The following OR10H1 variants were observed in gnomAD, a reference collection of about 807,000 sequenced individuals.
OR10H1 encodes the protein olfactory receptor 10H1.
Under a neutral mutation model 13.1 loss-of-function variants are expected in OR10H1, and 12 were observed. That is an observed-to-expected ratio of 0.92 (90% confidence interval 0.59 to 1.48). The LOEUF (loss-of-function observed/expected upper bound fraction) is 1.48. Ranked by LOEUF, OR10H1 falls within the 40% of genes most tolerant of loss-of-function variation. OR10H1 has a pLI of 0.00. For missense variants in OR10H1, 363 were observed against 413.1 expected, an observed-to-expected ratio of 0.88 and a Z score of 1.05; for synonymous variants, 168 against 175.6, an observed-to-expected ratio of 0.96 and a Z score of 0.34.
At position 15,805,114 on chromosome 19, in the gene OR10H1, G is replaced by A. The variant is rs934106210; in HGVS notation, c.*1967C>T. 1.3e-5 allele frequency: 2 copies of A among 151,816 alleles called. No homozygotes were observed. The highest frequency in any genetic ancestry group is 6.6e-5 in the Admixed American group (1 of 15,220). The allele number at this position is 151,816 out of a possible 1,614,324, so 9.4% of individuals were successfully genotyped here. ...TTTGTTTGAGTTCATTGTAGATTCTGGATATTAGCCCTTTGTCAGATGAGT... is the reference window on the plus strand; with the variant it reads ...TTTGTTTGAGTTCATTGTAGATTCTAGATATTAGCCCTTTGTCAGATGAGT... On this transcript the variant is annotated 3_prime_UTR_variant, in exon 4 of 4. Coordinates refer to ENST00000641419, the MANE Select transcript of OR10H1 (RefSeq NM_013940.4).
chr19:15,813,147 T>A (rs1187318122), intron 1 of OR10H1, among the ~76,000 whole-genome samples: 2 of 145,230 alleles, frequency 1.4e-5, no homozygotes. Flanking sequence ...AGATTAATGG[T>A]AAAAAAAAAA....
chr19:15,814,725 A>G (rs2088957318), intron 1 of OR10H1, among the ~76,000 whole-genome samples: 1 of 151,902 alleles, frequency 6.6e-6, no homozygotes, highest in Non-Finnish European at 1.5e-5. Context: ...GGCTGGCCTC[A>G]AACTCTTGGA....
chr19:15,804,925 G>C lies in OR10H1; in HGVS notation c.*2156C>G, dbSNP rs2088886887. 1 of 152,206 alleles carries C rather than the reference G, an allele frequency of 6.6e-6. No individual in the cohort carries two copies. The highest frequency in any genetic ancestry group is 6.6e-5 in the Admixed American group (1 of 15,260). The allele number at this position is 152,206 out of a possible 1,614,324, so 9.4% of individuals were successfully genotyped here. ...TAGTGATTGCCATTCTAACTGGTGT[G>C]AGATGATATCTCATTGTGGTTTCCA... On this transcript the variant is annotated 3_prime_UTR_variant, in exon 4 of 4. Transcript: ENST00000641419.
Position 15,812,742 on chromosome 19 carries a change from G to A in OR10H1, c.-641C>T, listed in dbSNP as rs10854151. ...GAAACGAGGGAGGGAGGAATGGAGG[G>A]AGGAAGGAAGGGAGGGAGGGAGAAA... On this transcript the variant is annotated 5_prime_UTR_variant, in exon 2 of 4. Coordinates refer to ENST00000641419, the MANE Select transcript of OR10H1 (RefSeq NM_013940.4). The A allele has an allele frequency of 0.084, 12,463 of 147,646 alleles. 1,497 individuals carry two copies. The highest frequency in any genetic ancestry group is 0.57 in the East Asian group (2,658 of 4,646). The allele number at this position is 147,646 out of a possible 1,614,324, so 9.1% of individuals were successfully genotyped here.
chr19:15,808,681 C>T (rs1336537704), intron 3 of OR10H1, 44 bp downstream of exon 3: 1 of 152,384 alleles, frequency 6.6e-6, no homozygotes, highest in African/African-American at 2.4e-5. Context: ...GAAACCCCAT[C>T]TCTACTAAAA....
Position 15,813,588 on chromosome 19 carries a change from C to A in OR10H1, c.-777-710G>T, listed in dbSNP as rs984715822. ...AAAGAGAGAGACAGAGAGGTGGAGACACAGAGAGATGTGGGGAAAGAGCAC... is the reference window on the plus strand; with the variant it reads ...AAAGAGAGAGACAGAGAGGTGGAGAAACAGAGAGATGTGGGGAAAGAGCAC... On this transcript the variant is annotated intron_variant, in intron 1 of 3. Coordinates refer to ENST00000641419, the MANE Select transcript of OR10H1 (RefSeq NM_013940.4). Among the ~76,000 whole-genome samples the A allele has an allele frequency of 5.6e-4, 63 of 113,228 alleles. 1 individual carries two copies. Among genetic ancestry groups the A allele is most frequent in the South Asian group, 2.9e-4 (1 of 3,440 alleles). The allele number at this position is 113,228 out of a possible 152,430, so 74.3% of individuals were successfully genotyped here.
At chr19:15,808,088 G>A in intron 3 of OR10H1, 40 bp from the exon 4 acceptor site, 1 of 1,525,414 alleles carries the variant, frequency 6.6e-7, no homozygotes, top group Non-Finnish European at 9.0e-7. Context: ...GTTACTGCAT[G>A]AAGAAAAGTT....
intron 1 of OR10H1, 81 bp from the exon 2 acceptor site, chr19:15,812,959 G>A (rs941466373): frequency 1.3e-5 from 2 of 152,178 alleles, no homozygotes; most frequent in Non-Finnish European, 2.9e-5. Flanking sequence ...GGATGAATGG[G>A]TGGGGCACAG....
intron 1 of OR10H1, among the ~76,000 whole-genome samples, chr19:15,814,890 T>C (rs534736513): frequency 6.6e-6 from 1 of 152,246 alleles, no homozygotes; most frequent in East Asian, 1.9e-4. Flanking sequence ...CTCTTCCCAA[T>C]CCTTTTTCCG....
At position 15,808,344 on chromosome 19, in the gene OR10H1, C is replaced by A. The variant is rs556061726; in HGVS notation, c.-11-296G>T. On this transcript the variant is annotated intron_variant, in intron 3 of 3. Transcript: ENST00000641419. Reference sequence around the variant, plus strand: ...ACTGGAACCCATAGCTGGGCTGGCTCTAAAACCTGTACCCTTCACTATTTC... The same window carrying A: ...ACTGGAACCCATAGCTGGGCTGGCTATAAAACCTGTACCCTTCACTATTTC... Among the ~76,000 whole-genome samples, 12 of 152,294 alleles carry A rather than the reference C, an allele frequency of 7.9e-5. No individual in the cohort carries two copies. The East Asian group carries it at 2.3e-3, about 29-fold the overall frequency.
chr19:15,810,004 G>T (rs920887376), intron 2 of OR10H1, among the ~76,000 whole-genome samples: 10 of 151,972 alleles, frequency 6.6e-5, no homozygotes, highest in Admixed American at 5.9e-4. Flanking sequence ...AAAAAATTTG[G>T]CAATGTGTGA....
At chr19:15,814,641 T>G (rs1177799094) in intron 1 of OR10H1, among the ~76,000 whole-genome samples, 1 of 130,532 alleles carries the variant, frequency 7.7e-6, no homozygotes. Flanking sequence ...ATCTCTGGAG[T>G]AGCTACAGGT....
intron 1 of OR10H1, among the ~76,000 whole-genome samples, chr19:15,814,478 TGTGAGAGAGAGAGAGAGAGAGAGA>T (rs2088954437): frequency 3.8e-5 from 1 of 26,462 alleles, no homozygotes; most frequent in Non-Finnish European, 8.0e-5. Context: ...TGTGTGTGTG[TGTGAGAGAGAGAGAGAGAGAGAGA>T]GAGAGAGAGA....
chr19:15,814,325 T>C (rs2088951249), intron 1 of OR10H1, among the ~76,000 whole-genome samples: 4 of 152,210 alleles, frequency 2.6e-5, no homozygotes, highest in African/African-American at 9.6e-5. Flanking sequence ...CTCTTCTTAG[T>C]GAAGCTGTCT....
chr19:15,811,054 G>T (rs138578758), intron 2 of OR10H1, among the ~76,000 whole-genome samples: 216 of 152,202 alleles, frequency 1.4e-3, no homozygotes, highest in African/African-American at 4.9e-3. Context: ...AGTGAGAGAT[G>T]AAGGAAGAAC....
chr19:15,808,148 T>C, intron 3 of OR10H1, 100 bp from the exon 4 acceptor site: 1 of 981,276 alleles, frequency 1.0e-6, no homozygotes, highest in Middle Eastern at 2.3e-4. Context: ...TCTTGATAAA[T>C]GGTTTGGTTC....
Position 15,812,520 on chromosome 19 carries a change from G to C in OR10H1, c.-419C>G, listed in dbSNP as rs944663870. 1.4e-5 allele frequency: 2 copies of C among 144,242 alleles called. No individual in the cohort carries two copies. Among genetic ancestry groups the C allele is most frequent in the Non-Finnish European group, 3.1e-5 (2 of 65,204 alleles). 8.9% of individuals were successfully genotyped at this position (144,242 alleles called of 1,614,324 possible). A position where few individuals can be genotyped will look rare whatever the true frequency, so the allele number is the denominator to read the frequency against. ...AGGGAGGGAGGGAAGGAGGAAGGAAGGAACGAAGGAAGGAAGGAAGGAGAG... is the reference window on the plus strand; with the variant it reads ...AGGGAGGGAGGGAAGGAGGAAGGAACGAACGAAGGAAGGAAGGAAGGAGAG... On this transcript the variant is annotated 5_prime_UTR_variant, in exon 2 of 4. Transcript: ENST00000641419.
chr19:15,805,102 A>G lies in OR10H1; in HGVS notation c.*1979T>C, dbSNP rs1349831978. 6.6e-6 allele frequency: 1 copy of G among 151,800 alleles called. No homozygotes were observed. The highest frequency in any genetic ancestry group is 1.5e-5 in the Non-Finnish European group (1 of 67,954). The allele number at this position is 151,800 out of a possible 1,614,324, so 9.4% of individuals were successfully genotyped here. A position where few individuals can be genotyped will look rare whatever the true frequency, so the allele number is the denominator to read the frequency against. On this transcript the variant is annotated 3_prime_UTR_variant, in exon 4 of 4. Transcript: ENST00000641419. ...TTTTCTTGTAAATTTGTTTGAGTTC[A>G]TTGTAGATTCTGGATATTAGCCCTT...
Position 15,807,058 on chromosome 19 carries a change from T to TA in OR10H1, c.*22dup, listed in dbSNP as rs2088900101. 6.3e-7 allele frequency: 1 copy of TA among 1,590,384 alleles called. No individual in the cohort carries two copies. Among genetic ancestry groups the TA allele is most frequent in the African/African-American group, 1.3e-5 (1 of 74,102 alleles). On this transcript the variant is annotated 3_prime_UTR_variant, in exon 4 of 4. Transcript: ENST00000641419. ...AACAATAGCCTTCGGTAATCCAATT[T>TA]AGTTGTTCCCAGTGAATTTCTCCTA...
Sources: gnomAD v4.1 joint callset for allele counts (sites outside exome capture counted in the v4.1 genomes callset) on GRCh38, gnomAD v4.1.1 for gene constraint, MANE v1.5 for transcripts, NCBI Gene and HGNC (gene_info 2026-07-23, HGNC 2026-07-21) for gene names.